SH3PXD2A: variants seen among roughly 807,000 people sequenced by gnomAD.
The protein encoded by SH3PXD2A is SH3 and PX domain-containing protein 2A.
In SH3PXD2A, 32 loss-of-function variants were observed where a neutral mutation model predicts 115.2. The ratio of observed to expected loss-of-function variants is 0.28; its 90% CI spans 0.21 to 0.37. SH3PXD2A has a LOEUF of 0.37. Ranked by LOEUF, SH3PXD2A falls within the 10% of genes least tolerant of loss-of-function variation. The pLI is 1.00. For missense variants in SH3PXD2A, 1,328 were observed against 1,498.7 expected, an observed-to-expected ratio of 0.89 and a Z score of 1.88; for synonymous variants, 610 against 629.1, an observed-to-expected ratio of 0.97 and a Z score of 0.45.
At chr10:103,633,777 G>A (rs907601108) in intron 8 of SH3PXD2A, among the ~76,000 whole-genome samples, 33 of 146,400 alleles carry the variant, frequency 2.3e-4, no homozygotes, top group Non-Finnish European at 3.9e-4. Context: ...AAGTCTTGAC[G>A]GCACAGCGGG....
At position 103,607,024 on chromosome 10, in the gene SH3PXD2A, G is replaced by A. The variant is rs866611068; in HGVS notation, c.1309-1107C>T. On this transcript the variant is annotated intron_variant, in intron 13 of 14. Coordinates refer to ENST00000369774, the MANE Select transcript of SH3PXD2A (RefSeq NM_001394015.1). Reference sequence around the variant, plus strand: ...TGGAAAGTGAGGAGCGTCTCTGCCCGGCCGCCATCCCATCTAGGAAGTGAG... The same window carrying A: ...TGGAAAGTGAGGAGCGTCTCTGCCCAGCCGCCATCCCATCTAGGAAGTGAG... Among the ~76,000 whole-genome samples, 1,488 of 150,426 alleles carry A rather than the reference G, an allele frequency of 9.9e-3. 26 individuals are homozygous for A. Among genetic ancestry groups the A allele is most frequent in the African/African-American group, 0.035 (1,422 of 40,790 alleles).
intron 6 of SH3PXD2A, among the ~76,000 whole-genome samples, chr10:103,675,840 C>T (rs891118959): frequency 2.6e-5 from 4 of 152,014 alleles, no homozygotes; most frequent in Admixed American, 6.6e-5. Flanking sequence ...GTCAGGAGTT[C>T]GAGACCAGCC....
intron 1 of SH3PXD2A, among the ~76,000 whole-genome samples, chr10:103,846,078 G>C (rs1029956283): frequency 6.6e-6 from 1 of 152,140 alleles, no homozygotes; most frequent in Admixed American, 6.5e-5. Flanking sequence ...TGTCCCACCC[G>C]CCCCACTGCA....
intron 8 of SH3PXD2A, among the ~76,000 whole-genome samples, chr10:103,654,427 G>A (rs2037178191): frequency 1.3e-5 from 2 of 152,096 alleles, no homozygotes; most frequent in Non-Finnish European, 2.9e-5. Context: ...GGGAAATTGA[G>A]GCCACAAGAG....
rs988993873 is a variant in SH3PXD2A, at chr10:103,662,087, G to C, written c.473-973C>G. Reference sequence around the variant, plus strand: ...AGTTTCTCTCTGCCTTTCAGTGCCGGGGCTTGTGGTCAGGCCCCGGCAGTT... The same window carrying C: ...AGTTTCTCTCTGCCTTTCAGTGCCGCGGCTTGTGGTCAGGCCCCGGCAGTT... On this transcript the variant is annotated intron_variant, in intron 7 of 14. Transcript: ENST00000369774. 23 of 497,288 alleles carry C rather than the reference G, an allele frequency of 4.6e-5. 1 individual carries two copies. The highest frequency in any genetic ancestry group is 3.8e-4 in the African/African-American group (18 of 47,950). The allele number at this position is 497,288 out of a possible 1,614,324, so 30.8% of individuals were successfully genotyped here.
At chr10:103,612,268 C>T (rs116158193) in intron 12 of SH3PXD2A, among the ~76,000 whole-genome samples, 1,765 of 152,278 alleles carry the variant, frequency 0.012, 41 homozygotes, top group African/African-American at 0.041. Context: ...TCTTGAAGAA[C>T]GCCCTGTTGA....
At chr10:103,800,825 C>T (rs1011509091) in intron 2 of SH3PXD2A, among the ~76,000 whole-genome samples, 4 of 152,136 alleles carry the variant, frequency 2.6e-5, no homozygotes, top group Non-Finnish European at 4.4e-5. Flanking sequence ...AGACAGACAC[C>T]GTGGTATGTA....
chr10:103,691,472 G>T (rs1272633449), intron 6 of SH3PXD2A, among the ~76,000 whole-genome samples: 2 of 152,044 alleles, frequency 1.3e-5, no homozygotes, highest in Admixed American at 1.3e-4. Flanking sequence ...CTGTGTGGGC[G>T]GTGACAGAAC....
At chr10:103,836,543 C>T (rs1379130974) in intron 1 of SH3PXD2A, among the ~76,000 whole-genome samples, 1 of 151,142 alleles carries the variant, frequency 6.6e-6, no homozygotes, top group African/African-American at 2.4e-5. Context: ...CACCTTCAAA[C>T]TCATATACAG....
At chr10:103,678,088 C>T in intron 6 of SH3PXD2A, 1 of 1,281,638 alleles carries the variant, frequency 7.8e-7, no homozygotes, top group Non-Finnish European at 1.0e-6. Context: ...TACCCCTAAG[C>T]AGTACAGTCT....
rs1436299854 is a variant in SH3PXD2A, at chr10:103,784,444, C to T, written c.153+16838G>A. Among the ~76,000 whole-genome samples the T allele has an allele frequency of 1.3e-5, 2 of 152,226 alleles. No individual in the cohort carries two copies. The highest frequency in any genetic ancestry group is 2.9e-5 in the Non-Finnish European group (2 of 68,052). On this transcript the variant is annotated intron_variant, in intron 2 of 14. Transcript: ENST00000369774. This position sits in a 1 kb window ranked among gnomAD's most constrained non-coding sequence, Gnocchi z 4.4. ...AAGGGAATGTAGCATTGACCAGACA[C>T]CTCTTCTATCTGCACCATTTTATTT...
At chr10:103,734,659 G>A (rs1040164171) in intron 4 of SH3PXD2A, among the ~76,000 whole-genome samples, 1 of 152,212 alleles carries the variant, frequency 6.6e-6, no homozygotes, top group South Asian at 2.1e-4. Flanking sequence ...TGAGGCATGA[G>A]AATTGCTTGA....
chr10:103,674,353 AG>A (rs1362904319), intron 6 of SH3PXD2A, among the ~76,000 whole-genome samples: 4 of 152,218 alleles, frequency 2.6e-5, no homozygotes, highest in African/African-American at 9.6e-5. Flanking sequence ...ACAGCCCAAC[AG>A]GGTTATCGGT....
Position 103,668,579 on chromosome 10 carries a change from C to T in SH3PXD2A, c.472+29G>A, listed in dbSNP as rs758160157. ...CACACGGACCTGGAACACACATGCTCACACACATGCATGCACGCTGGGCAG... is the reference window on the plus strand; with the variant it reads ...CACACGGACCTGGAACACACATGCTTACACACATGCATGCACGCTGGGCAG... On this transcript the variant is annotated intron_variant, in intron 7 of 14. Coordinates refer to ENST00000369774, the MANE Select transcript of SH3PXD2A (RefSeq NM_001394015.1). 1.2e-5 allele frequency: 18 copies of T among 1,544,756 alleles called. No homozygotes were observed. The South Asian group carries it at 1.4e-4, about 12-fold the overall frequency.
rs772597449 is a variant in SH3PXD2A at position 103,814,015 on chromosome 10, ACAAC to A, written c.73-12657_73-12654del. On this transcript the variant is annotated intron_variant, in intron 1 of 14. Transcript: ENST00000369774. Reference sequence around the variant, plus strand: ...TGGACTAGCTAAAAAAAAAAAAAAAACAACAAAAAAAAAACCACACCCTTTTAAT... The same window carrying A: ...TGGACTAGCTAAAAAAAAAAAAAAAAAAAAAAAAAACCACACCCTTTTAAT... Among the ~76,000 whole-genome samples, 38 of 134,266 alleles carry A rather than the reference ACAAC, an allele frequency of 2.8e-4. 1 individual carries two copies. Among genetic ancestry groups the A allele is most frequent in the African/African-American group, 8.4e-4 (29 of 34,442 alleles). 88.1% of individuals were successfully genotyped at this position (134,266 alleles called of 152,430 possible). A position where few individuals can be genotyped will look rare whatever the true frequency, so the allele number is the denominator to read the frequency against.
At chr10:103,631,186 G>A (rs766042545) in intron 8 of SH3PXD2A, among the ~76,000 whole-genome samples, 57 of 152,276 alleles carry the variant, frequency 3.7e-4, no homozygotes, top group Middle Eastern at 3.4e-3. Context: ...GATCAGTCGA[G>A]CCCAGGAGTT....
intron 3 of SH3PXD2A, among the ~76,000 whole-genome samples, chr10:103,740,771 C>T (rs2038436216): frequency 6.6e-6 from 1 of 152,196 alleles, no homozygotes; most frequent in African/African-American, 2.4e-5. Flanking sequence ...CTTGGAACGC[C>T]ATTCATTCTT....
Position 103,613,080 on chromosome 10 carries a change from A to G in SH3PXD2A, c.1031T>C (p.Ile344Thr). 1 of 1,614,176 alleles carries G rather than the reference A, an allele frequency of 6.2e-7. No individual in the cohort carries two copies. Among genetic ancestry groups the G allele is most frequent in the Non-Finnish European group, 8.5e-7 (1 of 1,180,024 alleles). ...GTTCAGCAGGTTGCTGATCTCCATG[A>G]TGTTCCCAATGATCTCCACTGGGCC... ...LAGPVEIIGN[I>T]MEISNLLNKK... The change falls in exon 12 of 15, where the codon ATC becomes ACC. Residue 344 changes from isoleucine to threonine, a missense_variant. This residue lies in a region of SH3PXD2A where 509 missense variants were observed against 628.3 expected (regional missense o/e 0.81). Coordinates refer to ENST00000369774, the MANE Select transcript of SH3PXD2A (RefSeq NM_001394015.1).
chr10:103,750,930 A>C (rs906877396), intron 3 of SH3PXD2A, among the ~76,000 whole-genome samples: 4 of 152,212 alleles, frequency 2.6e-5, no homozygotes, highest in African/African-American at 7.2e-5. Context: ...CCTAATGCTA[A>C]GAAGGGCAGG....
Sources: allele counts gnomAD v4.1 joint callset (sites outside exome capture counted in the v4.1 genomes callset), GRCh38; gene constraint gnomAD v4.1.1; regional missense constraint gnomAD v4.1.1; non-coding constraint Gnocchi (gnomAD v3.1); transcripts MANE v1.5; gene names NCBI Gene and HGNC (gene_info 2026-07-23, HGNC 2026-07-21).